DRC9: variants seen among roughly 807,000 people sequenced by gnomAD.
DRC9 encodes dynein regulatory complex protein 9.
the DRC9 span, chr3:197,950,343 CAAG>C: frequency 1.6e-6 from 2 of 1,225,028 alleles, no homozygotes; most frequent in Non-Finnish European, 1.0e-6. Context: ...CTACGGGTTT[CAAG>C]AAGAGGGAGA....
At chr3:197,936,905 T>G in the DRC9 span, among the ~76,000 whole-genome samples, 132 of 152,272 alleles carry the variant, frequency 8.7e-4, no homozygotes, top group Non-Finnish European at 1.5e-3. Flanking sequence ...CCGATGCAGA[T>G]CTGGGCCAGG....
At chr3:197,955,389 C>T in the DRC9 span, among the ~76,000 whole-genome samples, 14 of 151,912 alleles carry the variant, frequency 9.2e-5, no homozygotes, top group South Asian at 8.3e-4. Context: ...CAGCCTCCTG[C>T]GTAGCTGGGA....
At chr3:197,938,560 A>G in the DRC9 span, 5 of 1,611,602 alleles carry the variant, frequency 3.1e-6, no homozygotes, top group Non-Finnish European at 4.2e-6. Flanking sequence ...ATCAATCTGA[A>G]TTTTCTTCAG....
At chr3:197,904,333 G>A in the DRC9 span, among the ~76,000 whole-genome samples, 77 of 152,014 alleles carry the variant, frequency 5.1e-4, no homozygotes, top group Admixed American at 2.6e-3. Context: ...TCCTGGTACG[G>A]TATTGGTTGG....
chr3:197,921,853 A>G, the DRC9 span, among the ~76,000 whole-genome samples: 1 of 139,190 alleles, frequency 7.2e-6, no homozygotes, highest in South Asian at 2.2e-4. Context: ...GATTGACCCG[A>G]CTACTGGTTT....
chr3:197,954,453 CCCCCCAAG>C, the DRC9 span: 1 of 421,282 alleles, frequency 2.4e-6, no homozygotes, highest in African/African-American at 2.0e-5. Context: ...TCCACCTCAG[CCCCCCAAG>C]TAGCTGGGAC....
the DRC9 span, among the ~76,000 whole-genome samples, chr3:197,905,115 AT>A: frequency 2.0e-5 from 3 of 152,126 alleles, no homozygotes; most frequent in East Asian, 5.8e-4. Flanking sequence ...GGGTGTGGGG[AT>A]GGTTAATGTG....
the DRC9 span, chr3:197,954,263 G>C: frequency 9.7e-7 from 1 of 1,027,846 alleles, no homozygotes; most frequent in South Asian, 1.3e-5. Context: ...AAATTATGCT[G>C]CAAAATTTGT....
chr3:197,931,512 AAG>A, the DRC9 span, among the ~76,000 whole-genome samples: 4 of 151,622 alleles, frequency 2.6e-5, no homozygotes, highest in Non-Finnish European at 5.9e-5. Context: ...CAAACAAAAA[AAG>A]AGTTCTAGAC....
chr3:197,926,158 G>T, the DRC9 span: 2 of 992,548 alleles, frequency 2.0e-6, no homozygotes, highest in Non-Finnish European at 1.6e-6. Context: ...CAAAACTTAC[G>T]TGCACAAGGA....
the DRC9 span, chr3:197,950,225 A>C: frequency 3.6e-5 from 44 of 1,231,218 alleles, 1 homozygote; most frequent in East Asian, 1.4e-3. Context: ...TGTGGAGGTG[A>C]GTGAAGGGTC....
the DRC9 span, among the ~76,000 whole-genome samples, chr3:197,914,202 T>C: frequency 6.6e-6 from 1 of 152,166 alleles, no homozygotes; most frequent in Non-Finnish European, 1.5e-5. Context: ...AATCATGAAG[T>C]GTATAGATGA....
chr3:197,950,920 TTTTG>T, the DRC9 span: 57 of 1,613,588 alleles, frequency 3.5e-5, no homozygotes, highest in Non-Finnish European at 4.2e-5. Flanking sequence ...AAACTAATCT[TTTTG>T]TTTGTTTTAA....
chr3:197,898,104 TTC>T, the DRC9 span, among the ~76,000 whole-genome samples: 1 of 152,078 alleles, frequency 6.6e-6, no homozygotes, highest in Non-Finnish European at 1.5e-5. Flanking sequence ...ACATTTCACA[TTC>T]TGAGACCACA....
chr3:197,949,669 GA>G, the DRC9 span: 1 of 158,862 alleles, frequency 6.3e-6, no homozygotes, highest in Non-Finnish European at 1.4e-5. Context: ...TAAATAAGTA[GA>G]GGGGAGAAAA....
the DRC9 span, among the ~76,000 whole-genome samples, chr3:197,909,735 G>C: frequency 4.2e-4 from 64 of 152,358 alleles, no homozygotes; most frequent in East Asian, 0.012. Context: ...GCTCATGCCT[G>C]TAATCCCAGC....
the DRC9 span, chr3:197,952,528 CTT>C: frequency 7.4e-4 from 113 of 151,798 alleles, no homozygotes; most frequent in African/African-American, 2.6e-3. Flanking sequence ...GAGTTTTGCT[CTT>C]GTTATCCAGG....
chr3:197,904,101 TATATATA>T, the DRC9 span, among the ~76,000 whole-genome samples: 1 of 45,836 alleles, frequency 2.2e-5, no homozygotes, highest in African/African-American at 7.0e-5. Context: ...TATATATATA[TATATATA>T]TATTTTTTTT....
chr3:197,955,695 T>C, the DRC9 span: 1 of 1,419,334 alleles, frequency 7.0e-7, no homozygotes. Flanking sequence ...GGTTCTTGAT[T>C]TGTAGACGTA....
Sources: allele counts gnomAD v4.1 joint callset (sites outside exome capture counted in the v4.1 genomes callset), GRCh38; gene constraint gnomAD v4.1.1; transcripts MANE v1.5; gene names NCBI Gene and HGNC (gene_info 2026-07-23, HGNC 2026-07-21).